TACC2: variants seen among roughly 807,000 people sequenced by gnomAD.
TACC2 encodes the protein transforming acidic coiled-coil-containing protein 2.
A neutral mutation model predicts 227.3 loss-of-function variants in TACC2; 137 were observed. The observed-to-expected ratio is 0.60, with a 90% CI of 0.52 to 0.69. The LOEUF (loss-of-function observed/expected upper bound fraction) is 0.69. Ranked by LOEUF, TACC2 falls within the 30% of genes least tolerant of loss-of-function variation. TACC2 has a pLI of 0.00. For synonymous variants in TACC2, 1,523 were observed against 1,487.5 expected (o/e 1.02, Z -0.55); for missense variants, 3,470 against 3,694.4 (o/e 0.94, Z 1.57).
chr10:122,083,391 T>C lies in TACC2; in HGVS notation c.891T>C (p.Pro297=), dbSNP rs1347037820. The change falls in exon 4 of 23, where the codon CCT becomes CCC. Residue 297 remains proline (P), a synonymous_variant. Transcript: ENST00000369005. ...AAAGAGGCCAAGGGGAGGCGCCGCC[T>C]CAGTATTTAACAGATGACTTGGAAT... is the stretch of plus-strand genomic sequence containing the variant. ...DRERGQGEAP[P]QYLTDDLEFL... The C allele has an allele frequency of 6.2e-7, 1 of 1,613,690 alleles. No homozygotes were observed. Among genetic ancestry groups the C allele is most frequent in the Non-Finnish European group, 8.5e-7 (1 of 1,180,006 alleles).
At chr10:122,114,484 T>C (rs1299997549) in intron 5 of TACC2, among the ~76,000 whole-genome samples, 1 of 152,236 alleles carries the variant, frequency 6.6e-6, no homozygotes, top group Non-Finnish European at 1.5e-5. Context: ...GCAGCTGGCT[T>C]TCCCTTCTCA....
chr10:122,226,241 C>T (rs1258344701), intron 12 of TACC2, 125 bp from the exon 13 acceptor site: 3 of 681,614 alleles, frequency 4.4e-6, no homozygotes, highest in Non-Finnish European at 7.8e-6. Context: ...CTGGTGGCTC[C>T]AGAACAATGA....
intron 8 of TACC2, among the ~76,000 whole-genome samples, chr10:122,200,467 G>GCCACA: frequency 6.7e-6 from 1 of 149,046 alleles, no homozygotes; most frequent in South Asian, 2.1e-4. Context: ...GCCCACAGTG[G>GCCACA]CCACATCTAC....
intron 5 of TACC2, among the ~76,000 whole-genome samples, chr10:122,123,420 A>G (rs1271542900): frequency 6.6e-6 from 1 of 152,120 alleles, no homozygotes; most frequent in African/African-American, 2.4e-5. Flanking sequence ...GTTGTTTTTC[A>G]TCATCACTAA....
chr10:122,116,067 A>G (rs1182326331), intron 5 of TACC2, among the ~76,000 whole-genome samples: 1 of 152,094 alleles, frequency 6.6e-6, no homozygotes, highest in Non-Finnish European at 1.5e-5. Context: ...CCCAGTAATC[A>G]TGTTCACATC....
chr10:122,123,468 C>T (rs1434564389), intron 5 of TACC2, among the ~76,000 whole-genome samples: 1 of 152,156 alleles, frequency 6.6e-6, no homozygotes, highest in African/African-American at 2.4e-5. Context: ...CCTGGGGAAC[C>T]CACCTTTCAA....
rs763510151 is a variant in TACC2, at chr10:122,087,088, AG to A, written c.4590del (p.Arg1530SerfsTer27). The A allele has an allele frequency of 2.5e-6, 4 of 1,611,514 alleles. No individual in the cohort carries two copies. Among genetic ancestry groups the A allele is most frequent in the Non-Finnish European group, 3.4e-6 (4 of 1,178,940 alleles). The stretch of plus-strand genomic sequence containing the variant: ...CCCACCCACACTGAGGGAAGACGAG[AG>A]GCCAGAGGGGCCTGGGGCAGCCTGG... ...GVPPTLREDERPEGPGAAWPG... is the reference protein window; with the variant it reads ...GVPPTLREDEXPEGPGAAWPG... On this transcript the variant is annotated frameshift_variant, in exon 4 of 23. Transcript: ENST00000369005. LOFTEE classifies it high-confidence loss of function.
chr10:122,046,511 GA>G (rs1295659771), intron 2 of TACC2, among the ~76,000 whole-genome samples: 3 of 151,636 alleles, frequency 2.0e-5, no homozygotes, highest in African/African-American at 7.3e-5. Context: ...ATTAAAAAAA[GA>G]AAAAAAGAAA....
In TACC2 at chr10:122,205,774, T is replaced by C. The variant is rs892015602; in HGVS notation, c.5972-4623T>C. Among the ~76,000 whole-genome samples the C allele has an allele frequency of 2.0e-5, 3 of 152,134 alleles. No individual in the cohort carries two copies. The highest frequency in any genetic ancestry group is 7.2e-5 in the African/African-American group (3 of 41,428). ...TGAGTGTCTCAGGTGTGTCTTAGGC[T>C]AGACAAATTTGGGAAATGTTGAATT... On this transcript the variant is annotated intron_variant, in intron 8 of 22. Transcript: ENST00000369005. This position sits in a 1 kb window ranked among gnomAD's most constrained non-coding sequence, Gnocchi z 4.5.
At position 122,205,856 on chromosome 10, in the gene TACC2, C is replaced by A. The variant is rs1233235854; in HGVS notation, c.5972-4541C>A. On this transcript the variant is annotated intron_variant, in intron 8 of 22. Transcript: ENST00000369005. This position sits in a 1 kb window ranked among gnomAD's most constrained non-coding sequence, Gnocchi z 4.5. ...AACCAGCAAACTGCCACAGAAAGAC[C>A]AAGTACTGCTTTGTATCTCGTTAGC... Among the ~76,000 whole-genome samples the A allele has an allele frequency of 6.6e-6, 1 of 152,220 alleles. No individual in the cohort carries two copies. Among genetic ancestry groups the A allele is most frequent in the Non-Finnish European group, 1.5e-5 (1 of 68,034 alleles).
intron 9 of TACC2, among the ~76,000 whole-genome samples, chr10:122,214,947 C>T (rs1025296179): frequency 6.6e-6 from 1 of 152,152 alleles, no homozygotes; most frequent in Non-Finnish European, 1.5e-5. Flanking sequence ...TCTGCGTGGC[C>T]CCCTTCAGTT....
chr10:122,204,354 G>A (rs1011256868), intron 8 of TACC2, among the ~76,000 whole-genome samples: 5 of 152,218 alleles, frequency 3.3e-5, no homozygotes, highest in African/African-American at 1.2e-4. Flanking sequence ...GCCTTCAAAT[G>A]AGCAGTTAAG....
At chr10:122,252,037 T>C (rs1249902765) in intron 22 of TACC2, among the ~76,000 whole-genome samples, 1 of 152,218 alleles carries the variant, frequency 6.6e-6, no homozygotes, top group Non-Finnish European at 1.5e-5. Flanking sequence ...TGTAAAGGCT[T>C]TTGCTCCATG....
intron 7 of TACC2, among the ~76,000 whole-genome samples, chr10:122,151,720 T>C (rs778008199): frequency 6.6e-6 from 1 of 152,298 alleles, no homozygotes; most frequent in East Asian, 1.9e-4. Flanking sequence ...GTGGAAGTTG[T>C]TCCTGTGGTC....
intron 5 of TACC2, among the ~76,000 whole-genome samples, chr10:122,095,461 T>C (rs2081275509): frequency 6.6e-6 from 1 of 152,214 alleles, no homozygotes; most frequent in African/African-American, 2.4e-5. Flanking sequence ...GTTCCTTTCA[T>C]TTATTCCCCA....
intron 7 of TACC2, among the ~76,000 whole-genome samples, chr10:122,159,877 A>G (rs2092715394): frequency 6.6e-6 from 1 of 151,976 alleles, no homozygotes; most frequent in Non-Finnish European, 1.5e-5. Flanking sequence ...TGCTATGGCA[A>G]CTGGAGACTC....
chr10:122,067,672 A>G (rs1471580730), intron 3 of TACC2, among the ~76,000 whole-genome samples: 3 of 152,022 alleles, frequency 2.0e-5, no homozygotes, highest in East Asian at 1.9e-4. Context: ...ACACCTGGCT[A>G]ATTTTTGTAT....
chr10:122,204,371 A>G (rs1419194126), intron 8 of TACC2, among the ~76,000 whole-genome samples: 1 of 152,136 alleles, frequency 6.6e-6, no homozygotes, highest in African/African-American at 2.4e-5. Flanking sequence ...TAAGTCAGTA[A>G]CCGGCTGAGC....
In TACC2 at chr10:122,166,115, G is replaced by C. The variant is rs1188068019; in HGVS notation, c.5834+22409G>C. The stretch of plus-strand genomic sequence containing the variant: ...TAAGATGATGCCGTCAGGGCTGCAG[G>C]GATGGTGACAAACACAGGGTGCGCA... On this transcript the variant is annotated intron_variant, in intron 7 of 22. Transcript: ENST00000369005. Among the ~76,000 whole-genome samples, 36 of 152,168 alleles carry C rather than the reference G, an allele frequency of 2.4e-4. 1 individual carries two copies. The highest frequency in any genetic ancestry group is 7.3e-5 in the Non-Finnish European group (5 of 68,034).
Sources: gnomAD v4.1 joint callset for allele counts (sites outside exome capture counted in the v4.1 genomes callset) on GRCh38, gnomAD v4.1.1 for gene constraint, Gnocchi (gnomAD v3.1) non-coding constraint, MANE v1.5 for transcripts, NCBI Gene and HGNC (gene_info 2026-07-23, HGNC 2026-07-21) for gene names.